Variants in EVC observed in about 807,000 individuals in gnomAD.
EVC encodes the protein evC complex member EVC.
Under a neutral mutation model 118.9 loss-of-function variants are expected in EVC, and 116 were observed. That is an observed-to-expected ratio of 0.98 (90% CI 0.84 to 1.14). The LOEUF is 1.14. EVC is among the 50% of genes most tolerant of loss of function. EVC has a pLI of 0.00. For missense variants in EVC, 1,401 were observed against 1,246.4 expected, an observed-to-expected ratio of 1.12 and a Z score of -1.87; for synonymous variants, 619 against 534.7, an observed-to-expected ratio of 1.16 and a Z score of -2.18.
the EVC span, among the ~76,000 whole-genome samples, chr4:5,820,208 A>G: frequency 2.4e-4 from 36 of 152,166 alleles, no homozygotes; most frequent in Admixed American, 1.4e-3. Flanking sequence ...CTATACAGCT[A>G]TCAGCCCATG....
At chr4:5,744,381 A>G (rs142732147) in intron 6 of EVC, among the ~76,000 whole-genome samples, 5 of 152,338 alleles carry the variant, frequency 3.3e-5, no homozygotes, top group African/African-American at 4.8e-5. Flanking sequence ...ACCTTGACCC[A>G]TGCCACACTG....
chr4:5,713,676 CAAAAAAAA>C (rs35032068), intron 1 of EVC, among the ~76,000 whole-genome samples: 6 of 71,750 alleles, frequency 8.4e-5, no homozygotes, highest in African/African-American at 3.7e-4. Context: ...GGCTCCGTCT[CAAAAAAAA>C]AAAAAAAAAA....
Position 5,756,222 on chromosome 4 carries a change from C to A in EVC, c.1465-42C>A. ...ACCTTCTGGAAAAAAAAAAAAAAACCCTGCATGTTTCTACCAGACTCAGCT... is the reference window on the plus strand; with the variant it reads ...ACCTTCTGGAAAAAAAAAAAAAAACACTGCATGTTTCTACCAGACTCAGCT... On this transcript the variant is annotated intron_variant, in intron 10 of 20. Transcript: ENST00000264956. This position sits in a 1 kb window ranked among gnomAD's most constrained non-coding sequence, Gnocchi z 4.2. 2.7e-6 allele frequency: 4 copies of A among 1,463,118 alleles called. No homozygotes were observed. Among genetic ancestry groups the A allele is most frequent in the Non-Finnish European group, 3.8e-6 (4 of 1,059,918 alleles). The allele number at this position is 1,463,118 out of a possible 1,614,324, so 90.6% of individuals were successfully genotyped here.
intron 2 of EVC, among the ~76,000 whole-genome samples, chr4:5,726,200 A>G (rs984179596): frequency 6.6e-6 from 1 of 152,192 alleles, no homozygotes; most frequent in East Asian, 1.9e-4. Flanking sequence ...ACTCTTCAAG[A>G]CGTGGTTGAG....
intron 11 of EVC, among the ~76,000 whole-genome samples, chr4:5,775,571 A>C (rs540793152): frequency 6.6e-6 from 1 of 152,114 alleles, no homozygotes; most frequent in African/African-American, 2.4e-5. Context: ...CTTTCACTCA[A>C]CTTGATATTT....
intron 3 of EVC, 79 bp downstream of exon 3, chr4:5,729,469 A>C: frequency 7.4e-7 from 1 of 1,349,900 alleles, no homozygotes; most frequent in Non-Finnish European, 1.1e-6. Context: ...TGGGGGGATT[A>C]ACTGTGTGAT....
Position 5,813,421 on chromosome 4 carries a change from G to C in EVC, c.*2384G>C, listed in dbSNP as rs1464958265. 6.6e-6 allele frequency: 1 copy of C among 152,072 alleles called. No individual in the cohort carries two copies. The highest frequency in any genetic ancestry group is 1.5e-5 in the Non-Finnish European group (1 of 68,020). The allele number at this position is 152,072 out of a possible 1,614,324, so 9.4% of individuals were successfully genotyped here. ...GACGGGGTTTCACCATACTGGCCAG[G>C]CTGCTCTCGAACTCCTGACCTCATC... On this transcript the variant is annotated 3_prime_UTR_variant, in exon 21 of 21. Coordinates refer to ENST00000264956, the MANE Select transcript of EVC (RefSeq NM_153717.3).
Position 5,811,570 on chromosome 4 carries a change from G to T in EVC, c.*533G>T, listed in dbSNP as rs566802115. On this transcript the variant is annotated 3_prime_UTR_variant, in exon 21 of 21. Transcript: ENST00000264956. ...GCCCGTGCAGAGAGATGTCATGGGGGCACCTGCTCTCCCTGATAGATGCTG... is the reference window on the plus strand; with the variant it reads ...GCCCGTGCAGAGAGATGTCATGGGGTCACCTGCTCTCCCTGATAGATGCTG... 7.2e-5 allele frequency: 13 copies of T among 179,518 alleles called. No homozygotes were observed. Among genetic ancestry groups the T allele is most frequent in the African/African-American group, 2.9e-4 (12 of 41,848 alleles). 11.1% of individuals were successfully genotyped at this position (179,518 alleles called of 1,614,324 possible). A position where few individuals can be genotyped will look rare whatever the true frequency, so the allele number is the denominator to read the frequency against.
At position 5,756,646 on chromosome 4, in the gene EVC, C is replaced by G. The variant is rs1232478323; in HGVS notation, c.1563+284C>G. ...CAGCAAAGCTCTTTGGAAATCCGTT[C>G]TCCCCAGGTGAGAAATAGGCCCAGG... is the stretch of plus-strand genomic sequence containing the variant. On this transcript the variant is annotated intron_variant, in intron 11 of 20. Coordinates refer to ENST00000264956, the MANE Select transcript of EVC (RefSeq NM_153717.3). The surrounding 1 kb of genome is among the most constrained non-coding windows in gnomAD (Gnocchi z 4.2). Among the ~76,000 whole-genome samples, 1 of 152,218 alleles carries G rather than the reference C, an allele frequency of 6.6e-6. No individual in the cohort carries two copies. Among genetic ancestry groups the G allele is most frequent in the African/African-American group, 2.4e-5 (1 of 41,460 alleles).
At position 5,749,035 on chromosome 4, in the gene EVC, G is replaced by A. The variant is rs1729939667; in HGVS notation, c.1098+729G>A. Among the ~76,000 whole-genome samples, 1 of 152,020 alleles carries A rather than the reference G, an allele frequency of 6.6e-6. No individual in the cohort carries two copies. Among genetic ancestry groups the A allele is most frequent in the African/African-American group, 2.4e-5 (1 of 41,398 alleles). On this transcript the variant is annotated intron_variant, in intron 8 of 20. Transcript: ENST00000264956. This position sits in a 1 kb window ranked among gnomAD's most constrained non-coding sequence, Gnocchi z 4.4. ...CCCAATGACGATGGTGGGAGCTGGG[G>A]TTGACGCCCACTGGTGTAGACAGAG...
downstream of EVC, among the ~76,000 whole-genome samples, chr4:5,816,116 T>C (rs954590314): frequency 7.2e-5 from 11 of 152,022 alleles, no homozygotes; most frequent in Admixed American, 2.6e-4. Context: ...AGTCAGCAGA[T>C]TGGACAGGAG....
At chr4:5,794,070 G>A (rs941543164) in intron 13 of EVC, among the ~76,000 whole-genome samples, 8 of 151,360 alleles carry the variant, frequency 5.3e-5, no homozygotes, top group African/African-American at 1.9e-4. Flanking sequence ...TTGCTACAAC[G>A]CAATTGTAAA....
the EVC span, chr4:5,821,320 CTCAG>C: frequency 1.9e-4 from 30 of 160,824 alleles, no homozygotes; most frequent in Non-Finnish European, 3.8e-4. This position sits in a 1 kb window ranked among gnomAD's most constrained non-coding sequence, Gnocchi z 4.4. Flanking sequence ...GGCATCGTGT[CTCAG>C]TCAGTCCTTG....
At chr4:5,776,854 C>T (rs1035107623) in intron 11 of EVC, among the ~76,000 whole-genome samples, 1 of 152,064 alleles carries the variant, frequency 6.6e-6, no homozygotes, top group Admixed American at 6.5e-5. Context: ...TGCTAGTTGG[C>T]TCTTTTTAAA....
Position 5,754,489 on chromosome 4 carries a change from G to A in EVC, c.1464+556G>A, listed in dbSNP as rs1478716202. On this transcript the variant is annotated intron_variant, in intron 10 of 20. Transcript: ENST00000264956. The surrounding 1 kb of genome is among the most constrained non-coding windows in gnomAD (Gnocchi z 5.8). ...CAAAAAGCAAGATGTCACCCTCCAA[G>A]GAAAAGGAGTCAGCTGGCCCCAGTG... Among the ~76,000 whole-genome samples the A allele has an allele frequency of 6.6e-6, 1 of 152,174 alleles. No individual in the cohort carries two copies. The highest frequency in any genetic ancestry group is 1.5e-5 in the Non-Finnish European group (1 of 68,030).
At chr4:5,783,126 G>A (rs1388377246) in intron 11 of EVC, among the ~76,000 whole-genome samples, 1 of 152,114 alleles carries the variant, frequency 6.6e-6, no homozygotes, top group Non-Finnish European at 1.5e-5. Context: ...ATGTGTGCAA[G>A]TATGTATGAG....
intron 11 of EVC, among the ~76,000 whole-genome samples, chr4:5,777,594 A>G (rs1358894412): frequency 2.0e-5 from 3 of 152,160 alleles, no homozygotes; most frequent in African/African-American, 7.2e-5. Flanking sequence ...GATCTTTGCA[A>G]CTTTTATGAA....
At chr4:5,733,231 C>G in intron 4 of EVC, 120 bp from the exon 5 acceptor site, 2 of 823,430 alleles carry the variant, frequency 2.4e-6, no homozygotes, top group Admixed American at 1.7e-5. Context: ...CAGCATGCTG[C>G]AGAATGAGAG....
At position 5,745,046 on chromosome 4, in the gene EVC, G is replaced by A. The variant is rs990149669; in HGVS notation, c.802-158G>A. 2.0e-5 allele frequency among the ~76,000 whole-genome samples: 3 copies of A among 150,456 alleles called. No homozygotes were observed. In the East Asian group the frequency reaches 5.8e-4, roughly 29 times the overall value. ...GAGGCTCTATGTTTAATGAGAAAAT[G>A]GGTCAAACCTCATGTACAACAACCC... On this transcript the variant is annotated intron_variant, in intron 6 of 20. Transcript: ENST00000264956.
Sources: gnomAD v4.1 joint callset for allele counts (sites outside exome capture counted in the v4.1 genomes callset) on GRCh38, gnomAD v4.1.1 for gene constraint, Gnocchi (gnomAD v3.1) non-coding constraint, MANE v1.5 for transcripts, NCBI Gene and HGNC (gene_info 2026-07-23, HGNC 2026-07-21) for gene names.